ATP8A2: variants seen among roughly 807,000 people sequenced by gnomAD.
ATP8A2 encodes phospholipid-transporting ATPase IB.
In ATP8A2, 100 loss-of-function variants were observed where a neutral mutation model predicts 165.6. The observed-to-expected ratio is 0.60, with a 90% CI of 0.51 to 0.71. The LOEUF (loss-of-function observed/expected upper bound fraction) is 0.71. ATP8A2 is among the 30% of genes least tolerant of loss of function. ATP8A2 has a pLI of 0.00. For missense variants in ATP8A2, 1,227 were observed against 1,479.5 expected (o/e 0.83, Z 2.80); for synonymous variants, 543 against 548.8 (o/e 0.99, Z 0.15).
Position 25,666,220 on chromosome 13 carries a change from T to TA in ATP8A2, c.2212-32952dup, listed in dbSNP as rs200433673. On this transcript the variant is annotated intron_variant, in intron 24 of 36. Coordinates refer to ENST00000381655, the MANE Select transcript of ATP8A2 (RefSeq NM_016529.6). ...CATTTATTTGTTTATTTTTATTTTTTATTTTTTTGAGACCTAGTCTTGCTC... is the reference window on the plus strand; with the variant it reads ...CATTTATTTGTTTATTTTTATTTTTTAATTTTTTTGAGACCTAGTCTTGCTC... Among the ~76,000 whole-genome samples, 848 of 152,224 alleles carry TA rather than the reference T, an allele frequency of 5.6e-3. 9 individuals carry two copies. The highest frequency in any genetic ancestry group is 0.02 in the African/African-American group (818 of 41,542).
At chr13:26,002,894 G>GTA (rs1555303682) in intron 35 of ATP8A2, among the ~76,000 whole-genome samples, 1 of 136,976 alleles carries the variant, frequency 7.3e-6, no homozygotes, top group African/African-American at 2.7e-5. Flanking sequence ...GTGTGTGTGT[G>GTA]TATGTACCAC....
At chr13:25,600,344 C>G (rs971029759) in intron 24 of ATP8A2, among the ~76,000 whole-genome samples, 1 of 152,184 alleles carries the variant, frequency 6.6e-6, no homozygotes, top group Non-Finnish European at 1.5e-5. Context: ...GGCCTAGAGC[C>G]ACCTGTGAGT....
intron 35 of ATP8A2, among the ~76,000 whole-genome samples, chr13:25,975,344 C>T (rs954550306): frequency 7.2e-5 from 11 of 152,014 alleles, no homozygotes; most frequent in South Asian, 2.1e-4. Context: ...GAGGCCAAGG[C>T]GGGCAGGTCA....
At chr13:25,961,421 C>A (rs1955657026) in intron 33 of ATP8A2, among the ~76,000 whole-genome samples, 154 bp from the exon 34 acceptor site, 1 of 152,304 alleles carries the variant, frequency 6.6e-6, no homozygotes, top group Non-Finnish European at 1.5e-5. Context: ...CCCATCCGTC[C>A]CCCTGATGGT....
rs185859982 is a variant in ATP8A2 at position 25,616,963 on chromosome 13, A to T, written c.2211+27264A>T. 8.5e-5 allele frequency among the ~76,000 whole-genome samples: 13 copies of T among 152,350 alleles called. No individual in the cohort carries two copies. In the East Asian group the frequency reaches 2.5e-3, roughly 29 times the overall value. On this transcript the variant is annotated intron_variant, in intron 24 of 36. Coordinates refer to ENST00000381655, the MANE Select transcript of ATP8A2 (RefSeq NM_016529.6). ...TAGAGGGTGGTACATGTATAATTTA[A>T]GTAATAACATAAAGATTAAATATGT...
chr13:25,426,558 A>G (rs1038497848), intron 1 of ATP8A2, among the ~76,000 whole-genome samples: 2 of 152,188 alleles, frequency 1.3e-5, no homozygotes, highest in Non-Finnish European at 2.9e-5. Context: ...GTGTGATACC[A>G]TTATGGTGGC....
At chr13:25,929,732 G>A (rs1301899985) in intron 33 of ATP8A2, among the ~76,000 whole-genome samples, 1 of 151,944 alleles carries the variant, frequency 6.6e-6, no homozygotes, top group Non-Finnish European at 1.5e-5. Context: ...GCTGCACCTC[G>A]ACAATGGCTG....
chr13:25,731,631 A>G (rs1003624617), intron 25 of ATP8A2, among the ~76,000 whole-genome samples: 3 of 152,208 alleles, frequency 2.0e-5, no homozygotes, highest in Non-Finnish European at 4.4e-5. Flanking sequence ...GCCTCACCCC[A>G]TTGGTAAGTG....
chr13:25,797,688 A>C (rs1230908736), intron 27 of ATP8A2, among the ~76,000 whole-genome samples: 1 of 152,130 alleles, frequency 6.6e-6, no homozygotes, highest in African/African-American at 2.4e-5. Flanking sequence ...TTTACATTTT[A>C]AAGGGCCCAA....
intron 2 of ATP8A2, among the ~76,000 whole-genome samples, chr13:25,503,127 A>G (rs959821173): frequency 2.6e-5 from 4 of 152,064 alleles, no homozygotes; most frequent in Non-Finnish European, 5.9e-5. Context: ...TCTAGAAGAG[A>G]CACGAGCTGC....
chr13:25,380,703 A>G (rs1022899010), intron 1 of ATP8A2, among the ~76,000 whole-genome samples: 3 of 152,180 alleles, frequency 2.0e-5, no homozygotes, highest in African/African-American at 7.2e-5. Flanking sequence ...TCTAGTCCAA[A>G]TATTTTAATT....
At chr13:25,458,610 A>G (rs998850120) in intron 1 of ATP8A2, among the ~76,000 whole-genome samples, 2 of 152,236 alleles carry the variant, frequency 1.3e-5, no homozygotes, top group Non-Finnish European at 2.9e-5. Context: ...AAGTGCATTA[A>G]AACACTTGCC....
At chr13:25,820,142 A>G (rs969717638) in intron 27 of ATP8A2, among the ~76,000 whole-genome samples, 1 of 152,242 alleles carries the variant, frequency 6.6e-6, no homozygotes, top group African/African-American at 2.4e-5. Context: ...AGGTTGGACG[A>G]TGGCAGCGGG....
chr13:25,960,259 G>T (rs1369058623), intron 33 of ATP8A2, among the ~76,000 whole-genome samples: 1 of 152,200 alleles, frequency 6.6e-6, no homozygotes, highest in Non-Finnish European at 1.5e-5. Flanking sequence ...CGTCCAGCTG[G>T]AGCAGAGGAT....
chr13:25,870,426 C>T (rs1048044460), intron 33 of ATP8A2, among the ~76,000 whole-genome samples: 2 of 152,222 alleles, frequency 1.3e-5, no homozygotes, highest in African/African-American at 4.8e-5. Context: ...GGACCATGCC[C>T]TTCCCCCATT....
chr13:25,862,497 C>T lies in ATP8A2; in HGVS notation c.3183+89C>T, dbSNP rs546722749. 651 of 983,876 alleles carry T rather than the reference C, an allele frequency of 6.6e-4. 8 individuals carry two copies. The highest frequency in any genetic ancestry group is 5.7e-3 in the South Asian group (423 of 74,188). 60.9% of individuals were successfully genotyped at this position (983,876 alleles called of 1,614,324 possible). On this transcript the variant is annotated intron_variant, in intron 33 of 36. Coordinates refer to ENST00000381655, the MANE Select transcript of ATP8A2 (RefSeq NM_016529.6). ...GGGTGAGCAGGCACTGTGTGTCTTA[C>T]AGCCACGATGAGCTTCAGGAGAGGC...
At chr13:25,934,351 C>G (rs1047037111) in intron 33 of ATP8A2, among the ~76,000 whole-genome samples, 1 of 152,162 alleles carries the variant, frequency 6.6e-6, no homozygotes. Flanking sequence ...GTACCTCACA[C>G]TAGGAGGCTG....
intron 24 of ATP8A2, among the ~76,000 whole-genome samples, chr13:25,594,462 T>C (rs2040179094): frequency 6.6e-6 from 1 of 152,092 alleles, no homozygotes; most frequent in Non-Finnish European, 1.5e-5. Flanking sequence ...AGTGAACAGG[T>C]GGTATTTGGT....
At chr13:25,393,421 A>G (rs9511781) in intron 1 of ATP8A2, among the ~76,000 whole-genome samples, 42,517 of 149,250 alleles carry the variant, frequency 0.28, 6,607 homozygotes, top group African/African-American at 0.42. Flanking sequence ...TACTTTTTTT[A>G]TTGTTGTTTT....
Sources: gnomAD v4.1 joint callset for allele counts (sites outside exome capture counted in the v4.1 genomes callset) on GRCh38, gnomAD v4.1.1 for gene constraint, MANE v1.5 for transcripts, NCBI Gene and HGNC (gene_info 2026-07-23, HGNC 2026-07-21) for gene names.